The following MMUT variants were observed in gnomAD, a reference collection of about 807,000 sequenced individuals.
MMUT encodes the protein methylmalonyl-CoA mutase.
MMUT carries 79 observed loss-of-function variants against 79.9 expected under a neutral mutation model. The ratio of observed to expected loss-of-function variants is 0.99; its 90% CI spans 0.82 to 1.19. The LOEUF (loss-of-function observed/expected upper bound fraction) is 1.19. Ranked by LOEUF, MMUT falls within the 50% of genes most tolerant of loss-of-function variation. MMUT has a pLI of 0.00. For synonymous variants in MMUT, 273 were observed against 295.7 expected (o/e 0.92, Z 0.79); for missense variants, 860 against 917.2 (o/e 0.94, Z 0.81).
rs10713340 is a variant in MMUT at position 49,431,526 on chromosome 6, ATTTT to A, written c.*198_*201del. Reference sequence around the variant, plus strand: ...TAGAGAGTATAGAGAGTTTTTAGGGATTTTTTTTTTATTTTTGAAGTGAAACTGT... The same window carrying A: ...TAGAGAGTATAGAGAGTTTTTAGGGATTTTTTATTTTTGAAGTGAAACTGT... On this transcript the variant is annotated 3_prime_UTR_variant, in exon 13 of 13. Coordinates refer to ENST00000274813, the MANE Select transcript of MMUT (RefSeq NM_000255.4). 1.3e-5 allele frequency: 6 copies of A among 459,764 alleles called. No individual in the cohort carries two copies. Among genetic ancestry groups the A allele is most frequent in the Admixed American group, 1.1e-4 (3 of 27,266 alleles). The allele number at this position is 459,764 out of a possible 1,614,324, so 28.5% of individuals were successfully genotyped here. A position where few individuals can be genotyped will look rare whatever the true frequency, so the allele number is the denominator to read the frequency against.
intron 11 of MMUT, among the ~76,000 whole-genome samples, chr6:49,437,232 C>T (rs1230295996): frequency 1.3e-5 from 2 of 152,088 alleles, no homozygotes; most frequent in Non-Finnish European, 2.9e-5. Context: ...TTACATTTTT[C>T]ATCAAATTTT....
intron 3 of MMUT, 141 bp downstream of exon 3, chr6:49,457,550 A>G (rs1767720044): frequency 1.4e-6 from 1 of 724,720 alleles, no homozygotes; most frequent in Non-Finnish European, 2.2e-6. Flanking sequence ...AAATTAGTAC[A>G]TTAAAAACAA....
chr6:49,433,574 G>A (rs1177604282), intron 12 of MMUT, among the ~76,000 whole-genome samples: 3 of 152,176 alleles, frequency 2.0e-5, no homozygotes, highest in Non-Finnish European at 4.4e-5. Flanking sequence ...CAGGCATTGT[G>A]AGTCTACTCA....
At chr6:49,453,059 T>TTTTTTTG (rs398048522) in intron 5 of MMUT, among the ~76,000 whole-genome samples, 1 of 138,984 alleles carries the variant, frequency 7.2e-6, no homozygotes, top group African/African-American at 2.6e-5. Flanking sequence ...TTTTTTTTTT[T>TTTTTTTG]AGACGTAGTT....
intron 5 of MMUT, among the ~76,000 whole-genome samples, chr6:49,453,059 TAGACGTAGTTGTGCTC>T (rs1767595591): frequency 7.2e-6 from 1 of 138,984 alleles, no homozygotes. Flanking sequence ...TTTTTTTTTT[TAGACGTAGTTGTGCTC>T]TTGTTGCCCA....
rs1766966145 is a variant in MMUT at position 49,431,302 on chromosome 6, T to C, written c.*426A>G. ...CTAGTTTTTCAAGATAGGTTTTTAT[T>C]AATATATGGATTTTATTTTCTGGTG... is the stretch of plus-strand genomic sequence containing the variant. On this transcript the variant is annotated 3_prime_UTR_variant, in exon 13 of 13. Transcript: ENST00000274813. The C allele has an allele frequency of 6.5e-6, 1 of 153,664 alleles. No individual in the cohort carries two copies. Among genetic ancestry groups the C allele is most frequent in the Non-Finnish European group, 1.4e-5 (1 of 69,120 alleles). 9.5% of individuals were successfully genotyped at this position (153,664 alleles called of 1,614,324 possible).
At chr6:49,458,648 AAAT>A (rs1466650902) in intron 2 of MMUT, among the ~76,000 whole-genome samples, 6 of 152,234 alleles carry the variant, frequency 3.9e-5, no homozygotes, top group Admixed American at 3.9e-4. Context: ...CAGAAAGAAG[AAAT>A]AATAGTTAAG....
rs750770186 is a variant in MMUT, at chr6:49,456,243, TA to T, written c.754-7del. On this transcript the variant is annotated splice_polypyrimidine_tract_variant and splice_region_variant and intron_variant, in intron 3 of 12. Coordinates refer to ENST00000274813, the MANE Select transcript of MMUT (RefSeq NM_000255.4). ...GAATTAAATTTTGGCATGTGCTACA[TA>T]AAAAAAAAAATTGTAACAGTGAATA... The T allele has an allele frequency of 5.1e-3, 6,332 of 1,253,690 alleles. No homozygotes were observed. Among genetic ancestry groups the T allele is most frequent in the Non-Finnish European group, 5.5e-3 (5,052 of 920,126 alleles). 77.7% of individuals were successfully genotyped at this position (1,253,690 alleles called of 1,614,324 possible). A position where few individuals can be genotyped will look rare whatever the true frequency, so the allele number is the denominator to read the frequency against.
intron 5 of MMUT, 63 bp from the exon 6 acceptor site, chr6:49,451,777 C>T (rs1767560967): frequency 1.3e-6 from 2 of 1,511,840 alleles, no homozygotes; most frequent in South Asian, 2.3e-5. Context: ...CAACTATAAA[C>T]AGCAACATGA....
chr6:49,449,950 A>T (rs1767507071), intron 6 of MMUT, among the ~76,000 whole-genome samples: 1 of 152,118 alleles, frequency 6.6e-6, no homozygotes, highest in Admixed American at 6.5e-5. Context: ...AGATAAGAGC[A>T]GGCAGGGAGC....
Position 49,451,590 on chromosome 6 carries a change from C to T in MMUT, c.1208G>A (p.Arg403Gln), listed in dbSNP as rs774457503. ...GATGATTTGTGTGTTCCTGGCAATT[C>T]GAGCACTTTTCACAGTTGGCAAACC... ...ALGLPTVKSA[R>Q]IARNTQIIIQ... Residue 403 changes from arginine (R) to glutamine (Q), a missense_variant, in exon 6 of 13, where the codon CGA (arginine) becomes CAA (glutamine). Coordinates refer to ENST00000274813, the MANE Select transcript of MMUT (RefSeq NM_000255.4). 33 of 1,613,992 alleles carry T rather than the reference C, an allele frequency of 2.0e-5. No homozygotes were observed. Among genetic ancestry groups the T allele is most frequent in the East Asian group, 2.0e-4 (9 of 44,880 alleles).
chr6:49,440,474 T>A (rs746563084), intron 10 of MMUT, 121 bp from the exon 11 acceptor site: 17 of 1,111,930 alleles, frequency 1.5e-5, no homozygotes, highest in Non-Finnish European at 2.2e-5. Flanking sequence ...ATTTGTTTAC[T>A]TGTATTTTGG....
Position 49,431,575 on chromosome 6 carries a change from G to C in MMUT, c.*153C>G. The C allele has an allele frequency of 1.4e-6, 1 of 714,942 alleles. No individual in the cohort carries two copies. 44.3% of individuals were successfully genotyped at this position (714,942 alleles called of 1,614,324 possible). Reference sequence around the variant, plus strand: ...AACTGTATGTACATACTTATAGCATGACACCAGGCCTATAAGTAAGGTATT... The same window carrying C: ...AACTGTATGTACATACTTATAGCATCACACCAGGCCTATAAGTAAGGTATT... On this transcript the variant is annotated 3_prime_UTR_variant, in exon 13 of 13. Transcript: ENST00000274813.
rs1767898687 is a variant in MMUT at position 49,463,086 on chromosome 6, G to C, written c.-40+17C>G. 1 of 152,494 alleles carries C rather than the reference G, an allele frequency of 6.6e-6. No homozygotes were observed. The allele number at this position is 152,494 out of a possible 1,614,324, so 9.4% of individuals were successfully genotyped here. A position where few individuals can be genotyped will look rare whatever the true frequency, so the allele number is the denominator to read the frequency against. ...CCAGAAGAATGGAGCGATCTGAAAG[G>C]TGTACGTCCTACTCACTGGTAGGCC... On this transcript the variant is annotated intron_variant, in intron 1 of 12. Transcript: ENST00000274813.
intron 11 of MMUT, among the ~76,000 whole-genome samples, chr6:49,436,855 T>G (rs938736096): frequency 6.6e-6 from 1 of 152,114 alleles, no homozygotes; most frequent in African/African-American, 2.4e-5. Flanking sequence ...AAATACCACA[T>G]GTTCTTTCTT....
rs113114463 is a variant in MMUT, at chr6:49,445,798, C to T, written c.1561-1044G>A. Among the ~76,000 whole-genome samples, 874 of 152,044 alleles carry T rather than the reference C, an allele frequency of 5.7e-3. 5 individuals are homozygous for T. The highest frequency in any genetic ancestry group is 0.019 in the African/African-American group (780 of 41,494). ...GTTAAATCTATAGATGTGGAACCCA[C>T]AGATATGGAGGTCCAACTATATTTA... is the stretch of plus-strand genomic sequence containing the variant. On this transcript the variant is annotated intron_variant, in intron 8 of 12. Transcript: ENST00000274813.
At chr6:49,443,913 C>T (rs1455538469) in intron 9 of MMUT, 3 of 305,184 alleles carry the variant, frequency 9.8e-6, no homozygotes, top group East Asian at 2.1e-4. Flanking sequence ...TTAAGGGTTA[C>T]AAAGGCAAAA....
At chr6:49,459,008 TTAACCCCCAAAA>T in intron 2 of MMUT, 62 bp downstream of exon 2, 1 of 1,433,808 alleles carries the variant, frequency 7.0e-7, no homozygotes, top group South Asian at 1.2e-5. Flanking sequence ...TTTACAGAGA[TTAACCCCCAAAA>T]AATAAAAAAC....
intron 7 of MMUT, 23 bp from the exon 8 acceptor site, chr6:49,447,808 T>A: frequency 7.4e-7 from 1 of 1,347,298 alleles, no homozygotes; most frequent in Non-Finnish European, 1.1e-6. Context: ...CAAAGAAAAA[T>A]TTTATTCACA....
Sources: gnomAD v4.1 joint callset for allele counts (sites outside exome capture counted in the v4.1 genomes callset) on GRCh38, gnomAD v4.1.1 for gene constraint, MANE v1.5 for transcripts, NCBI Gene and HGNC (gene_info 2026-07-23, HGNC 2026-07-21) for gene names.